The following CECR2 variants were observed in gnomAD, a reference collection of about 807,000 sequenced individuals.
CECR2 encodes the protein chromatin remodeling regulator CECR2.
A neutral mutation model predicts 154.5 loss-of-function variants in CECR2; 30 were observed. The ratio of observed to expected loss-of-function variants is 0.19; its 90% confidence interval spans 0.15 to 0.26. CECR2 has a LOEUF of 0.26. Ranked by LOEUF, CECR2 falls within the 10% of genes least tolerant of loss-of-function variation. The pLI is 1.00. For missense variants in CECR2, 1,743 were observed against 1,829.3 expected, an observed-to-expected ratio of 0.95 and a Z score of 0.86; for synonymous variants, 725 against 683.7, an observed-to-expected ratio of 1.06 and a Z score of -0.94.
At chr22:17,478,186 A>G (rs916670626) in intron 2 of CECR2, among the ~76,000 whole-genome samples, 2 of 152,114 alleles carry the variant, frequency 1.3e-5, no homozygotes, top group Non-Finnish European at 2.9e-5. Flanking sequence ...TTTGATCTTT[A>G]CTTAATACAC....
In CECR2 at chr22:17,538,573, C is replaced by T. The variant is rs749588023; in HGVS notation, c.1276+16C>T. 2.5e-6 allele frequency: 4 copies of T among 1,613,532 alleles called. No individual in the cohort carries two copies. In the African/African-American group the frequency reaches 5.3e-5, roughly 22 times the overall value. ...ATGTATAAAGGTTAGTTCCCATTCT[C>T]CACTGTTCTGTTTGTGATAGAAGTT... On this transcript the variant is annotated intron_variant, in intron 11 of 18. Transcript: ENST00000262608.
At chr22:17,508,814 C>T (rs546554652) in intron 7 of CECR2, among the ~76,000 whole-genome samples, 2 of 152,238 alleles carry the variant, frequency 1.3e-5, no homozygotes, top group South Asian at 4.1e-4. Flanking sequence ...CACATGACTG[C>T]GTGTCAGATT....
intron 7 of CECR2, among the ~76,000 whole-genome samples, chr22:17,508,049 G>C (rs189762439): frequency 6.6e-6 from 1 of 152,214 alleles, no homozygotes; most frequent in Admixed American, 6.5e-5. Flanking sequence ...CGCCATACCT[G>C]ATAAAATTAA....
At chr22:17,544,854 C>T (rs1259123863) in intron 16 of CECR2, among the ~76,000 whole-genome samples, 1 of 148,644 alleles carries the variant, frequency 6.7e-6, no homozygotes, top group Non-Finnish European at 1.5e-5. Context: ...GCCTATAGTC[C>T]CAGCTACTTG....
At chr22:17,391,897 G>A (rs2063329874) in intron 1 of CECR2, among the ~76,000 whole-genome samples, 1 of 152,164 alleles carries the variant, frequency 6.6e-6, no homozygotes, top group Admixed American at 6.5e-5. Context: ...CGTCTCCCAG[G>A]TTCAAGCAAT....
Position 17,552,996 on chromosome 22 carries a change from G to T in CECR2, c.*156G>T. The T allele has an allele frequency of 6.9e-7, 1 of 1,452,958 alleles. No individual in the cohort carries two copies. The highest frequency in any genetic ancestry group is 2.8e-5 in the Admixed American group (1 of 35,418). 90.0% of individuals were successfully genotyped at this position (1,452,958 alleles called of 1,614,324 possible). ...ATACTTGAGCTGGAGCCAGTCACGGGCCCTAAAAGGACACTCCTTAGATGA... is the reference window on the plus strand; with the variant it reads ...ATACTTGAGCTGGAGCCAGTCACGGTCCCTAAAAGGACACTCCTTAGATGA... On this transcript the variant is annotated 3_prime_UTR_variant, in exon 19 of 19. Transcript: ENST00000262608.
At chr22:17,523,244 G>A (rs1254809869) in intron 8 of CECR2, among the ~76,000 whole-genome samples, 1 of 151,926 alleles carries the variant, frequency 6.6e-6, no homozygotes, top group Non-Finnish European at 1.5e-5. Context: ...TTAGCTGGGC[G>A]TGGTCGCAGG....
rs184491991 is a variant in CECR2 at position 17,502,355 on chromosome 22, G to A, written c.651-727G>A. Among the ~76,000 whole-genome samples the A allele has an allele frequency of 3.5e-3, 527 of 152,264 alleles. 2 individuals are homozygous for A. Among genetic ancestry groups the A allele is most frequent in the Non-Finnish European group, 5.9e-3 (400 of 68,034 alleles). On this transcript the variant is annotated intron_variant, in intron 5 of 18. Transcript: ENST00000262608. ...CTGTCTTCAGTGCGGCCCTGAATCA[G>A]GGAGGAGGACATTGGAATCCCTACA...
chr22:17,509,585 C>T (rs867247095), intron 7 of CECR2, among the ~76,000 whole-genome samples: 4 of 152,042 alleles, frequency 2.6e-5, no homozygotes, highest in African/African-American at 4.8e-5. Flanking sequence ...CACACCACCA[C>T]GCCCAGTTAA....
At chr22:17,454,352 A>G (rs1185257730) in intron 1 of CECR2, among the ~76,000 whole-genome samples, 1 of 151,732 alleles carries the variant, frequency 6.6e-6, no homozygotes, top group Non-Finnish European at 1.5e-5. Context: ...CTCAGCAGGT[A>G]TGAGGGATTT....
intron 1 of CECR2, among the ~76,000 whole-genome samples, chr22:17,392,357 G>A (rs1337300259): frequency 6.6e-6 from 1 of 152,084 alleles, no homozygotes; most frequent in African/African-American, 2.4e-5. Flanking sequence ...GCATGGTGGT[G>A]CATGCCTGTA....
At chr22:17,541,695 T>C in intron 14 of CECR2, 144 bp from the exon 15 acceptor site, 1 of 916,238 alleles carries the variant, frequency 1.1e-6, no homozygotes, top group Non-Finnish European at 1.6e-6. Context: ...TGAGCACGTG[T>C]GTTCACAGTC....
At chr22:17,371,412 C>G (rs2063059261) in intron 1 of CECR2, among the ~76,000 whole-genome samples, 1 of 152,060 alleles carries the variant, frequency 6.6e-6, no homozygotes, top group Non-Finnish European at 1.5e-5. Flanking sequence ...CGTTTGTTTT[C>G]AAAGTTTGAA....
intron 12 of CECR2, 89 bp downstream of exon 12, chr22:17,538,820 T>TC (rs1569150828): frequency 1.0e-4 from 133 of 1,293,150 alleles, no homozygotes; most frequent in Non-Finnish European, 1.0e-4. Context: ...ATATATATAT[T>TC]TTGATACGTT....
chr22:17,529,831 A>C (rs1424969756), intron 9 of CECR2, among the ~76,000 whole-genome samples: 1 of 151,538 alleles, frequency 6.6e-6, no homozygotes, highest in Non-Finnish European at 1.5e-5. Context: ...TTATGGAAGG[A>C]ATTTTTGTAA....
chr22:17,480,794 C>T (rs1452518357), intron 2 of CECR2, among the ~76,000 whole-genome samples: 6 of 152,104 alleles, frequency 3.9e-5, no homozygotes, highest in Non-Finnish European at 8.8e-5. Context: ...AATCTCAGCA[C>T]TTTGGGAGGC....
Position 17,549,543 on chromosome 22 carries a change from A to G in CECR2, c.4256A>G (p.Gln1419Arg). 6.3e-7 allele frequency: 1 copy of G among 1,596,428 alleles called. No individual in the cohort carries two copies. Among genetic ancestry groups the G allele is most frequent in the Non-Finnish European group, 8.5e-7 (1 of 1,171,586 alleles). The change falls in exon 17 of 19, where the codon CAG (glutamine) becomes CGG (arginine). Residue 1419 changes from glutamine (Q) to arginine (R), a missense_variant. Around this residue, in one of 4 missense-constraint regions of CECR2, gnomAD observed 1,250 missense variants for 1,192.1 expected, o/e 1.05. Coordinates refer to ENST00000262608, the MANE Select transcript of CECR2 (RefSeq NM_001290047.2). ...AGAAGTGGAATAAGAGGACCTTTCCAGGAAATGTACAGACCATCAGGGTAA... is the reference window on the plus strand; with the variant it reads ...AGAAGTGGAATAAGAGGACCTTTCCGGGAAATGTACAGACCATCAGGGTAA... Reference protein sequence around the residue: ...GTRSGIRGPFQEMYRPSGMQM... With the variant: ...GTRSGIRGPFREMYRPSGMQM...
intron 5 of CECR2, among the ~76,000 whole-genome samples, chr22:17,501,806 G>C (rs2055743586): frequency 6.6e-6 from 1 of 152,146 alleles, no homozygotes; most frequent in Admixed American, 6.6e-5. Context: ...TAAGTATCAA[G>C]AATCACAGTA....
At chr22:17,488,496 T>C (rs2055465709) in intron 2 of CECR2, among the ~76,000 whole-genome samples, 1 of 152,208 alleles carries the variant, frequency 6.6e-6, no homozygotes, top group South Asian at 2.1e-4. Flanking sequence ...GACGACATTT[T>C]TATCACTATA....
Sources: allele counts gnomAD v4.1 joint callset (sites outside exome capture counted in the v4.1 genomes callset), GRCh38; gene constraint gnomAD v4.1.1; regional missense constraint gnomAD v4.1.1; transcripts MANE v1.5; gene names NCBI Gene and HGNC (gene_info 2026-07-23, HGNC 2026-07-21).